The following NUP210L variants were observed in gnomAD, a reference collection of about 807,000 sequenced individuals.
The protein encoded by NUP210L is nucleoporin 210 like.
NUP210L carries 74 observed loss-of-function variants against 208.5 expected under a neutral mutation model. The observed-to-expected ratio is 0.35, with a 90% CI of 0.29 to 0.43. The LOEUF is 0.43. Among genes scored for constraint, NUP210L ranks in the 20% least tolerant of loss-of-function variants. The probability of loss-of-function intolerance (pLI) is 1.00; values close to 1 mark genes in which losing one functional copy is unlikely to be tolerated. For missense variants in NUP210L, 1,843 were observed against 2,289.4 expected (o/e 0.81, Z 3.98); for synonymous variants, 780 against 816.9 (o/e 0.95, Z 0.77).
At chr1:154,114,387 G>C (rs1657209890) in intron 12 of NUP210L, among the ~76,000 whole-genome samples, 1 of 151,904 alleles carries the variant, frequency 6.6e-6, no homozygotes, top group Admixed American at 6.6e-5. Context: ...GTTTCTTAAA[G>C]TGACATTTAC....
At position 154,152,946 on chromosome 1, in the gene NUP210L, C is replaced by T. The variant is rs1659474599; in HGVS notation, c.204-74G>A. 10 of 1,348,658 alleles carry T rather than the reference C, an allele frequency of 7.4e-6. No homozygotes were observed. The Admixed American group carries it at 1.7e-4, about 23-fold the overall frequency. The allele number at this position is 1,348,658 out of a possible 1,614,324, so 83.5% of individuals were successfully genotyped here. On this transcript the variant is annotated intron_variant, in intron 1 of 39. Transcript: ENST00000368559. ...ACTTTTAGTGGAACATAGATTCTCA[C>T]ACTTCTTCCATGTTACATACTACCA...
chr1:154,134,734 C>CAAAAA (rs67813355), intron 7 of NUP210L, among the ~76,000 whole-genome samples: 696 of 66,284 alleles, frequency 0.011, 41 homozygotes, highest in Non-Finnish European at 0.013. Context: ...GACTCCGTCT[C>CAAAAA]AAAAAAAAAA....
chr1:154,058,222 A>C lies in NUP210L; in HGVS notation c.2980-6T>G. On this transcript the variant is annotated splice_polypyrimidine_tract_variant and splice_region_variant and intron_variant, in intron 21 of 39. Coordinates refer to ENST00000368559, the Ensembl canonical transcript of NUP210L. Reference sequence around the variant, plus strand: ...ACAGTTTTGTCTATTTCAACCTAGTAGTTAAAAAGAAAAAGATTTTAGCAA... The same window carrying C: ...ACAGTTTTGTCTATTTCAACCTAGTCGTTAAAAAGAAAAAGATTTTAGCAA... The C allele has an allele frequency of 6.2e-7, 1 of 1,613,358 alleles. No homozygotes were observed. The highest frequency in any genetic ancestry group is 8.5e-7 in the Non-Finnish European group (1 of 1,179,792).
intron 16 of NUP210L, among the ~76,000 whole-genome samples, chr1:154,072,398 T>C (rs893263486): frequency 1.5e-5 from 2 of 137,810 alleles, no homozygotes; most frequent in Non-Finnish European, 3.1e-5. Context: ...AGTGGTGAGA[T>C]CTCGGCTCAC....
rs1379411013 is a variant in NUP210L at position 154,136,070 on chromosome 1, TA to T, written c.851-99del. On this transcript the variant is annotated intron_variant, in intron 6 of 39. Coordinates refer to ENST00000368559, the Ensembl canonical transcript of NUP210L. ...TAAAGGAATGATCAGGAAGCAGACA[TA>T]AAATAAGAGTATGATCTGCTTCTAA... 6.0e-6 allele frequency: 5 copies of T among 837,784 alleles called. No homozygotes were observed. The East Asian group carries it at 1.3e-4, about 21-fold the overall frequency. The allele number at this position is 837,784 out of a possible 1,614,324, so 51.9% of individuals were successfully genotyped here.
intron 12 of NUP210L, among the ~76,000 whole-genome samples, chr1:154,109,362 C>A (rs1656928352): frequency 6.6e-6 from 1 of 151,486 alleles, no homozygotes; most frequent in Non-Finnish European, 1.5e-5. Context: ...AATATATATA[C>A]ACCCAATACT....
chr1:154,037,847 G>A lies in NUP210L; in HGVS notation c.3697-7793C>T, dbSNP rs903225058. On this transcript the variant is annotated intron_variant, in intron 27 of 39. Coordinates refer to ENST00000368559, the Ensembl canonical transcript of NUP210L. ...TGGCAAGGCTTGTCTCGAACTCCTG[G>A]CCTCAAGTGATCCACCCAACTCGGC... is the stretch of plus-strand genomic sequence containing the variant. Among the ~76,000 whole-genome samples the A allele has an allele frequency of 2.6e-4, 40 of 151,744 alleles. 1 individual carries two copies. Among genetic ancestry groups the A allele is most frequent in the African/African-American group, 9.7e-4 (40 of 41,288 alleles).
At chr1:154,041,811 GGTC>G (rs1274732529) in intron 27 of NUP210L, among the ~76,000 whole-genome samples, 1 of 152,052 alleles carries the variant, frequency 6.6e-6, no homozygotes. Context: ...AGGCATTTCA[GGTC>G]CTGTGTTCCC....
At chr1:154,015,270 T>C (rs1402530198) in intron 33 of NUP210L, among the ~76,000 whole-genome samples, 1 of 139,716 alleles carries the variant, frequency 7.2e-6, no homozygotes, top group African/African-American at 2.6e-5. Context: ...GTGATAGGTG[T>C]ACTGGATGTT....
intron 12 of NUP210L, among the ~76,000 whole-genome samples, chr1:154,115,884 C>T (rs1657293923): frequency 6.6e-6 from 1 of 151,708 alleles, no homozygotes. Flanking sequence ...TATGGAAGGC[C>T]GGGGTGGGCG....
intron 38 of NUP210L, among the ~76,000 whole-genome samples, chr1:153,994,184 T>G (rs4845360): frequency 0.55 from 84,157 of 152,008 alleles, 24,067 homozygotes; most frequent in East Asian, 0.95. Flanking sequence ...CCAGTCTGTT[T>G]TGTTACTTGA....
chr1:154,087,339 A>G (rs2790689), intron 16 of NUP210L, among the ~76,000 whole-genome samples: 18,375 of 148,850 alleles, frequency 0.12, 1,481 homozygotes, highest in East Asian at 0.42. Context: ...AAAAAAAAAA[A>G]GGGGCAACAT....
chr1:154,017,249 C>G, intron 33 of NUP210L, among the ~76,000 whole-genome samples: 1 of 150,702 alleles, frequency 6.6e-6, no homozygotes, highest in Non-Finnish European at 1.5e-5. Flanking sequence ...CCATTGCTCT[C>G]CAGCCTGGGC....
chr1:154,010,669 G>A (rs1469095044), intron 34 of NUP210L, among the ~76,000 whole-genome samples: 6 of 151,944 alleles, frequency 3.9e-5, no homozygotes, highest in Admixed American at 1.3e-4. Context: ...TTGGGAGTTC[G>A]AGACCAGCCT....
At chr1:154,153,355 G>T (rs1191903335) in intron 1 of NUP210L, among the ~76,000 whole-genome samples, 1 of 152,100 alleles carries the variant, frequency 6.6e-6, no homozygotes, top group Admixed American at 6.6e-5. Flanking sequence ...TGTTGCCCAA[G>T]CTGAAGTGCA....
chr1:154,147,025 C>T (rs1037553375), intron 2 of NUP210L, among the ~76,000 whole-genome samples: 1 of 152,048 alleles, frequency 6.6e-6, no homozygotes, highest in Non-Finnish European at 1.5e-5. Context: ...GAGACAGGGT[C>T]TCACTTTGTT....
At chr1:154,033,339 G>T (rs1375872682) in intron 27 of NUP210L, among the ~76,000 whole-genome samples, 1 of 152,166 alleles carries the variant, frequency 6.6e-6, no homozygotes, top group Non-Finnish European at 1.5e-5. Context: ...GTGTTCTGGA[G>T]AGTTTCCCCA....
intron 17 of NUP210L, among the ~76,000 whole-genome samples, chr1:154,062,681 C>T (rs1273643247): frequency 2.0e-5 from 3 of 148,760 alleles, no homozygotes; most frequent in South Asian, 2.1e-4. Flanking sequence ...TCTACCTACC[C>T]GGCTCAAGCA....
intron 16 of NUP210L, among the ~76,000 whole-genome samples, chr1:154,071,722 G>A (rs1260350942): frequency 6.1e-5 from 8 of 132,050 alleles, no homozygotes; most frequent in East Asian, 2.5e-4. Flanking sequence ...TGCAACCTCC[G>A]CCTCCTGGGT....
Sources: gnomAD v4.1 joint callset for allele counts (sites outside exome capture counted in the v4.1 genomes callset) on GRCh38, gnomAD v4.1.1 for gene constraint, MANE v1.5 for transcripts, NCBI Gene and HGNC (gene_info 2026-07-23, HGNC 2026-07-21) for gene names.